Variants in IFT140 observed in about 807,000 individuals in gnomAD.
IFT140 encodes intraflagellar transport protein 140 homolog.
IFT140 carries 133 observed loss-of-function variants against 164.6 expected under a neutral mutation model. The observed-to-expected ratio is 0.81, with a 90% CI of 0.70 to 0.93. The LOEUF (loss-of-function observed/expected upper bound fraction) is 0.93. Ranked by LOEUF, IFT140 falls within the 40% of genes least tolerant of loss-of-function variation. The pLI is 0.00. For missense variants in IFT140, 2,045 were observed against 1,972.3 expected, an observed-to-expected ratio of 1.04 and a Z score of -0.70; for synonymous variants, 860 against 817.3, an observed-to-expected ratio of 1.05 and a Z score of -0.89.
At chr16:1,563,538 T>C (rs1703849472) in intron 17 of IFT140, among the ~76,000 whole-genome samples, 1 of 151,998 alleles carries the variant, frequency 6.6e-6, no homozygotes, top group Non-Finnish European at 1.5e-5. Flanking sequence ...AAAAATGCCA[T>C]TCAGGTCAGA....
At position 1,520,324 on chromosome 16, in the gene IFT140, T is replaced by G. The variant is rs1222260734; in HGVS notation, c.3680A>C (p.Lys1227Thr). 6.2e-7 allele frequency: 1 copy of G among 1,614,178 alleles called. No homozygotes were observed. Among genetic ancestry groups the G allele is most frequent in the Non-Finnish European group, 8.5e-7 (1 of 1,180,048 alleles). ...CGTGATTTTCTCCGTGTCTCCGGAT[T>G]TGAGCAGCGCCCTCATGGCCTAGGC... The part of the protein sequence containing the change: ...NKLKAMRALL[K>T]SGDTEKITFF... Residue 1227 changes from lysine (K) to threonine (T), a missense_variant, in exon 28 of 31, where the codon AAA becomes ACA. Lys to Thr is a moderately conservative substitution (Grantham distance 78). Transcript: ENST00000426508.
chr16:1,562,144 G>GTTT (rs113397794), intron 17 of IFT140, 28 bp from the exon 18 acceptor site: 9 of 1,188,824 alleles, frequency 7.6e-6, no homozygotes, highest in South Asian at 4.8e-5. Flanking sequence ...GTACTGTTCT[G>GTTT]TTTTTTTTTT....
At position 1,523,965 on chromosome 16, in the gene IFT140, A is replaced by C. The variant is rs767385116; in HGVS notation, c.3142-9T>G. 1.2e-6 allele frequency: 2 copies of C among 1,609,814 alleles called. No homozygotes were observed. The highest frequency in any genetic ancestry group is 2.2e-5 in the South Asian group (2 of 90,922). ...TCGTCCAGGCCGTTCTCCTGCAGGG[A>C]GGGAGGCAGGGCCCTGAAGCGGCTC... On this transcript the variant is annotated splice_polypyrimidine_tract_variant and intron_variant, in intron 24 of 30. Coordinates refer to ENST00000426508, the MANE Select transcript of IFT140 (RefSeq NM_014714.4).
chr16:1,550,993 A>G (rs1013678302), intron 19 of IFT140, among the ~76,000 whole-genome samples: 1 of 152,178 alleles, frequency 6.6e-6, no homozygotes, highest in Non-Finnish European at 1.5e-5. Context: ...GCACCAGGGT[A>G]GCGGCATCTA....
rs1020207186 is a variant in IFT140 at position 1,551,086 on chromosome 16, C to T, written c.2399+6849G>A. On this transcript the variant is annotated intron_variant, in intron 19 of 30. Coordinates refer to ENST00000426508, the MANE Select transcript of IFT140 (RefSeq NM_014714.4). The surrounding 1 kb of genome is among the most constrained non-coding windows in gnomAD (Gnocchi z 4.0). ...GGCTGCTGTTCCTCCTCGCCTTTCC[C>T]GCAGCTCCACACTGCATTCTGTTCT... Among the ~76,000 whole-genome samples the T allele has an allele frequency of 2.0e-5, 3 of 152,144 alleles. No homozygotes were observed. Among genetic ancestry groups the T allele is most frequent in the South Asian group, 2.1e-4 (1 of 4,832 alleles).
intron 14 of IFT140, among the ~76,000 whole-genome samples, 160 bp from the exon 15 acceptor site, chr16:1,568,494 A>G (rs2033846666): frequency 6.6e-6 from 1 of 152,250 alleles, no homozygotes; most frequent in South Asian, 2.1e-4. Flanking sequence ...CAAACGCAAA[A>G]CACAGGGTGA....
At chr16:1,536,304 C>T (rs201187790) in intron 19 of IFT140, among the ~76,000 whole-genome samples, 5 of 152,230 alleles carry the variant, frequency 3.3e-5, no homozygotes, top group Non-Finnish European at 2.9e-5. Context: ...CCGTCCCAGG[C>T]GCCCGGCTGT....
At chr16:1,557,402 G>A (rs1228357910) in intron 19 of IFT140, among the ~76,000 whole-genome samples, 1 of 152,122 alleles carries the variant, frequency 6.6e-6, no homozygotes. Flanking sequence ...GGCTTGCTCC[G>A]GCAACCTAAG....
intron 7 of IFT140, 21 bp downstream of exon 7, chr16:1,589,584 C>G: frequency 1.2e-6 from 2 of 1,608,536 alleles, no homozygotes; most frequent in South Asian, 1.1e-5. Flanking sequence ...AGCGTGAGCC[C>G]CCAAGCCCAC....
In IFT140 at chr16:1,553,476, G is replaced by A; in HGVS notation, c.2399+4459C>T. 1 of 985,492 alleles carries A rather than the reference G, an allele frequency of 1.0e-6. No homozygotes were observed. The highest frequency in any genetic ancestry group is 1.2e-6 in the Non-Finnish European group (1 of 829,948). 61.0% of individuals were successfully genotyped at this position (985,492 alleles called of 1,614,324 possible). A position where few individuals can be genotyped will look rare whatever the true frequency, so the allele number is the denominator to read the frequency against. On this transcript the variant is annotated intron_variant, in intron 19 of 30. Coordinates refer to ENST00000426508, the MANE Select transcript of IFT140 (RefSeq NM_014714.4). This position sits in a 1 kb window ranked among gnomAD's most constrained non-coding sequence, Gnocchi z 4.4. ...CAGGTGTCAACATGCAGGCCAGGCG[G>A]AGGGACAGCAGTGGGGCTCGGCGTG...
intron 2 of IFT140, among the ~76,000 whole-genome samples, chr16:1,609,351 T>A (rs952442766): frequency 6.6e-6 from 1 of 152,134 alleles, no homozygotes. Flanking sequence ...TTTTTCAAGG[T>A]TCCCCCCGGC....
chr16:1,573,521 C>T (rs932573970), intron 13 of IFT140, among the ~76,000 whole-genome samples: 1 of 152,074 alleles, frequency 6.6e-6, no homozygotes, highest in Non-Finnish European at 1.5e-5. Context: ...CTCCAAGGCA[C>T]CACGAACTCG....
chr16:1,538,324 A>G (rs2031286658), intron 19 of IFT140, among the ~76,000 whole-genome samples: 1 of 152,200 alleles, frequency 6.6e-6, no homozygotes, highest in South Asian at 2.1e-4. Flanking sequence ...CGAGGAAGGA[A>G]GGCTGAGAGG....
In IFT140 at chr16:1,544,407, G is replaced by C. The variant is rs367599526; in HGVS notation, c.2399+13528C>G. Among the ~76,000 whole-genome samples the C allele has an allele frequency of 1.1e-4, 16 of 151,910 alleles. No individual in the cohort carries two copies. In the East Asian group the frequency reaches 2.1e-3, roughly 20 times the overall value. The stretch of plus-strand genomic sequence containing the variant: ...TCACTATGTTCGCCAGGATGGTCTC[G>C]ATCTCCTGACCTCGTGATCCGCCCA... On this transcript the variant is annotated intron_variant, in intron 19 of 30. Transcript: ENST00000426508.
At chr16:1,566,095 C>T in intron 16 of IFT140, 66 bp downstream of exon 16, 1 of 1,561,272 alleles carries the variant, frequency 6.4e-7, no homozygotes, top group Middle Eastern at 1.7e-4. Context: ...CAACAACCCG[C>T]CCAGAAGCCG....
intron 19 of IFT140, chr16:1,540,680 C>G: frequency 3.5e-6 from 1 of 282,008 alleles, no homozygotes; most frequent in Non-Finnish European, 5.4e-6. Flanking sequence ...CGCGGGGACC[C>G]GCTCCTGAGT....
At chr16:1,526,163 C>T (rs1357819471) in intron 20 of IFT140, 86 bp from the exon 21 acceptor site, 34 of 1,279,498 alleles carry the variant, frequency 2.7e-5, no homozygotes, top group Non-Finnish European at 3.0e-5. Context: ...CACCGGTCAC[C>T]GCACCTTCCC....
intron 19 of IFT140, among the ~76,000 whole-genome samples, chr16:1,543,700 C>T (rs1596334632): frequency 6.6e-6 from 1 of 152,254 alleles, no homozygotes; most frequent in Non-Finnish European, 1.5e-5. Context: ...GCCTCCTCCC[C>T]TCCTGCATGA....
chr16:1,543,564 G>C (rs1407461561), intron 19 of IFT140, among the ~76,000 whole-genome samples: 1 of 152,216 alleles, frequency 6.6e-6, no homozygotes, highest in Non-Finnish European at 1.5e-5. Flanking sequence ...ATCGACGTGG[G>C]GTCAGGCAGA....
Sources: gnomAD v4.1 joint callset for allele counts (sites outside exome capture counted in the v4.1 genomes callset) on GRCh38, gnomAD v4.1.1 for gene constraint, Gnocchi (gnomAD v3.1) non-coding constraint, MANE v1.5 for transcripts, NCBI Gene and HGNC (gene_info 2026-07-23, HGNC 2026-07-21) for gene names.